Variants in LRCH1 observed in about 807,000 individuals in gnomAD.
The protein encoded by LRCH1 is leucine rich repeats and calponin homology domain containing 1.
LRCH1 carries 23 observed loss-of-function variants against 94.9 expected under a neutral mutation model. That is an observed-to-expected ratio of 0.24 (90% CI 0.17 to 0.34). The LOEUF (loss-of-function observed/expected upper bound fraction) is 0.34, where lower values mean the gene tolerates loss of function less well. Ranked by LOEUF, LRCH1 falls within the 10% of genes least tolerant of loss-of-function variation. The probability of loss-of-function intolerance (pLI) is 1.00; values close to 1 mark genes in which losing one functional copy is unlikely to be tolerated. For missense variants in LRCH1, 790 were observed against 945.9 expected, an observed-to-expected ratio of 0.84 and a Z score of 2.16; for synonymous variants, 364 against 354.9, an observed-to-expected ratio of 1.03 and a Z score of -0.29.
chr13:46,715,539 G>A lies in LRCH1; in HGVS notation c.1655-21G>A, dbSNP rs998197081. 26 of 1,432,318 alleles carry A rather than the reference G, an allele frequency of 1.8e-5. No individual in the cohort carries two copies. The Admixed American group carries it at 2.9e-4, about 16-fold the overall frequency. 88.7% of individuals were successfully genotyped at this position (1,432,318 alleles called of 1,614,324 possible). On this transcript the variant is annotated intron_variant, in intron 15 of 19. Coordinates refer to ENST00000389797, the MANE Select transcript of LRCH1 (RefSeq NM_001164211.2). The stretch of plus-strand genomic sequence containing the variant: ...GTCCTTGTGCAACTGTACGCGGACT[G>A]GCTCTCTGGCTCCCCTGCAGACCCA...
At chr13:46,616,883 G>A (rs891831419) in intron 1 of LRCH1, among the ~76,000 whole-genome samples, 4 of 152,236 alleles carry the variant, frequency 2.6e-5, no homozygotes, top group African/African-American at 9.6e-5. Context: ...TGTTTTGCGG[G>A]CAGGAGTGGA....
chr13:46,741,654 T>C lies in LRCH1; in HGVS notation c.2098T>C (p.Ser700Pro). 6.2e-6 allele frequency: 10 copies of C among 1,614,160 alleles called. No individual in the cohort carries two copies. Among genetic ancestry groups the C allele is most frequent in the Non-Finnish European group, 8.5e-6 (10 of 1,179,998 alleles). The change falls in exon 20 of 20, where the codon TCT (serine) becomes CCT (proline). Residue 700 changes from serine (S) to proline (P), a missense_variant. Ser to Pro is a moderately conservative substitution (Grantham distance 74). Coordinates refer to ENST00000389797, the MANE Select transcript of LRCH1 (RefSeq NM_001164211.2). The part of the protein sequence containing the change: ...KLGVPEADLC[S>P]PCDILQLDFR... ...GCCCTCGGAATAGGCTGACCTCTGC[T>C]CTCCGTGTGACATCCTGCAGTTGGA...
chr13:46,708,036 G>T (rs1424025955), intron 13 of LRCH1, among the ~76,000 whole-genome samples: 1 of 152,174 alleles, frequency 6.6e-6, no homozygotes, highest in Non-Finnish European at 1.5e-5. Flanking sequence ...GCCTCTTCAT[G>T]CTGTAGACTA....
intron 18 of LRCH1, among the ~76,000 whole-genome samples, chr13:46,733,209 G>A (rs994884304): frequency 3.9e-5 from 6 of 152,218 alleles, no homozygotes; most frequent in South Asian, 2.1e-4. Flanking sequence ...TGTTCAAAAC[G>A]TACCATGTAA....
intron 2 of LRCH1, among the ~76,000 whole-genome samples, chr13:46,650,613 T>A (rs1179709638): frequency 1.3e-5 from 2 of 151,698 alleles, no homozygotes; most frequent in African/African-American, 4.8e-5. Flanking sequence ...TTTGTCTAAT[T>A]GGCATTTGTA....
At chr13:46,732,921 T>G (rs1270485089) in intron 18 of LRCH1, among the ~76,000 whole-genome samples, 1 of 152,234 alleles carries the variant, frequency 6.6e-6, no homozygotes, top group Non-Finnish European at 1.5e-5. Flanking sequence ...TGGAGAATAT[T>G]TATTTAGCTT....
intron 1 of LRCH1, among the ~76,000 whole-genome samples, chr13:46,567,404 T>C (rs964799904): frequency 6.6e-6 from 1 of 152,062 alleles, no homozygotes; most frequent in African/African-American, 2.4e-5. Flanking sequence ...CTTAAAGGAA[T>C]CTGTGCAATT....
chr13:46,614,767 G>A (rs1051726964), intron 1 of LRCH1, among the ~76,000 whole-genome samples: 17 of 152,090 alleles, frequency 1.1e-4, no homozygotes, highest in African/African-American at 3.4e-4. Context: ...TATGACATTC[G>A]AGATGAATAA....
rs180694610 is a variant in LRCH1, at chr13:46,703,458, C to T, written c.1401-1610C>T. ...CGGTGGAGAAGTAAATTGGCAAAAC[C>T]ATTCTAGAAGTAACTTAGTATGTAA... On this transcript the variant is annotated intron_variant, in intron 11 of 19. Coordinates refer to ENST00000389797, the MANE Select transcript of LRCH1 (RefSeq NM_001164211.2). 4.6e-5 allele frequency among the ~76,000 whole-genome samples: 7 copies of T among 152,210 alleles called. No homozygotes were observed. The East Asian group carries it at 7.7e-4, about 17-fold the overall frequency.
chr13:46,606,924 A>C (rs80147672), intron 1 of LRCH1, among the ~76,000 whole-genome samples: 3 of 152,172 alleles, frequency 2.0e-5, no homozygotes, highest in Non-Finnish European at 4.4e-5. Context: ...ATTCCATGCC[A>C]CACAGGGCCA....
intron 16 of LRCH1, among the ~76,000 whole-genome samples, chr13:46,716,096 T>C (rs1674479791): frequency 6.6e-6 from 1 of 152,140 alleles, no homozygotes; most frequent in African/African-American, 2.4e-5. Context: ...TGGCTGATCC[T>C]AGAGTATTGC....
At chr13:46,586,371 T>C (rs2050435405) in intron 1 of LRCH1, among the ~76,000 whole-genome samples, 1 of 152,312 alleles carries the variant, frequency 6.6e-6, no homozygotes, top group South Asian at 2.1e-4. Flanking sequence ...GAAACAGCCA[T>C]AGCAAGGCTG....
chr13:46,644,288 C>T (rs1272763042), intron 1 of LRCH1, among the ~76,000 whole-genome samples: 1 of 152,212 alleles, frequency 6.6e-6, no homozygotes, highest in Non-Finnish European at 1.5e-5. Context: ...TCTACCTTCT[C>T]CCAAATGCCT....
intron 19 of LRCH1, among the ~76,000 whole-genome samples, chr13:46,738,425 A>G (rs1873495356): frequency 6.6e-6 from 1 of 152,204 alleles, no homozygotes; most frequent in South Asian, 2.1e-4. Flanking sequence ...TTTTGTGTTA[A>G]AGGTTTTATA....
At chr13:46,695,045 T>C (rs754119954) in intron 9 of LRCH1, 28 bp downstream of exon 9, 2 of 1,610,712 alleles carry the variant, frequency 1.2e-6, no homozygotes, top group African/African-American at 2.7e-5. Flanking sequence ...AACTACGTTT[T>C]TTTACTTATT....
At chr13:46,730,962 T>C (rs1290977911) in intron 18 of LRCH1, among the ~76,000 whole-genome samples, 1 of 152,182 alleles carries the variant, frequency 6.6e-6, no homozygotes, top group Non-Finnish European at 1.5e-5. Flanking sequence ...TTTTGCTTTT[T>C]TTAAATAAAA....
chr13:46,592,025 A>G (rs2050505159), intron 1 of LRCH1, among the ~76,000 whole-genome samples: 1 of 152,244 alleles, frequency 6.6e-6, no homozygotes, highest in Admixed American at 6.5e-5. Flanking sequence ...TAAAACTGTC[A>G]GCATAGGCAG....
intron 2 of LRCH1, among the ~76,000 whole-genome samples, chr13:46,652,397 T>TC (rs1444562609): frequency 6.6e-6 from 1 of 150,734 alleles, no homozygotes; most frequent in Non-Finnish European, 1.5e-5. Context: ...TTTTTTTTGT[T>TC]TTTTTTTTTG....
intron 1 of LRCH1, among the ~76,000 whole-genome samples, chr13:46,620,448 C>CT (rs1047220472): frequency 6.6e-6 from 1 of 151,968 alleles, no homozygotes; most frequent in Admixed American, 6.6e-5. Context: ...TGGTATGTGC[C>CT]TTTATATTCA....
Sources: gnomAD v4.1 joint callset for allele counts (sites outside exome capture counted in the v4.1 genomes callset) on GRCh38, gnomAD v4.1.1 for gene constraint, MANE v1.5 for transcripts, NCBI Gene and HGNC (gene_info 2026-07-23, HGNC 2026-07-21) for gene names.